The following GPC5 variants were observed in gnomAD, a reference collection of about 807,000 sequenced individuals.
GPC5 encodes the protein glypican-5.
GPC5 carries 47 observed loss-of-function variants against 53.9 expected under a neutral mutation model. That is an observed-to-expected ratio of 0.87 (90% CI 0.69 to 1.11). The LOEUF is 1.11. GPC5 is among the 50% of genes most tolerant of loss of function. GPC5 has a pLI of 0.00. For missense variants in GPC5, 748 were observed against 713.1 expected, an observed-to-expected ratio of 1.05 and a Z score of -0.56; for synonymous variants, 286 against 263.3, an observed-to-expected ratio of 1.09 and a Z score of -0.84.
At chr13:92,703,621 T>C (rs1160256112) in intron 7 of GPC5, among the ~76,000 whole-genome samples, 1 of 149,820 alleles carries the variant, frequency 6.7e-6, no homozygotes, top group African/African-American at 2.4e-5. Context: ...AATTGATGTA[T>C]AATTTTTTTA....
chr13:92,526,140 T>A (rs1433508034), intron 7 of GPC5, among the ~76,000 whole-genome samples: 2 of 152,130 alleles, frequency 1.3e-5, no homozygotes, highest in African/African-American at 4.8e-5. Flanking sequence ...ACAAACTTTG[T>A]TTTGCAAACC....
chr13:92,132,830 C>A (rs1168386147), intron 6 of GPC5, among the ~76,000 whole-genome samples: 1 of 151,774 alleles, frequency 6.6e-6, no homozygotes, highest in African/African-American at 2.4e-5. Flanking sequence ...TTTTAAAATC[C>A]CAAAATTAGC....
intron 7 of GPC5, among the ~76,000 whole-genome samples, chr13:92,830,147 C>T (rs1303497787): frequency 6.6e-6 from 1 of 152,098 alleles, no homozygotes; most frequent in Non-Finnish European, 1.5e-5. Context: ...ATGATGTGTG[C>T]TTGCATAAAC....
intron 7 of GPC5, among the ~76,000 whole-genome samples, chr13:92,232,295 GC>G (rs1189783041): frequency 6.6e-6 from 1 of 152,024 alleles, no homozygotes; most frequent in East Asian, 1.9e-4. Flanking sequence ...GGGTGTGGGG[GC>G]GGCTGTTATT....
intron 5 of GPC5, 60 bp from the exon 6 acceptor site, chr13:91,907,877 C>T (rs1295775275): frequency 1.5e-5 from 23 of 1,548,104 alleles, no homozygotes; most frequent in Non-Finnish European, 1.9e-5. Context: ...GTTCAGATAG[C>T]TGTGACAGAT....
At chr13:91,890,809 A>T (rs532644534) in intron 5 of GPC5, among the ~76,000 whole-genome samples, 2 of 152,324 alleles carry the variant, frequency 1.3e-5, no homozygotes, top group East Asian at 3.9e-4. Flanking sequence ...AATGATTTTT[A>T]TCCTGTCATG....
rs1441663124 is a variant in GPC5, at chr13:91,901,652, C to T, written c.1281-6285C>T. ...TTGCTGTCAGAACCAGGAAGGGAGG[C>T]CTAGAAATGGTTTGTATGGAAAATT... On this transcript the variant is annotated intron_variant, in intron 5 of 7. Coordinates refer to ENST00000377067, the MANE Select transcript of GPC5 (RefSeq NM_004466.6). 2.0e-5 allele frequency among the ~76,000 whole-genome samples: 3 copies of T among 151,966 alleles called. No individual in the cohort carries two copies. In the East Asian group the frequency reaches 5.8e-4, roughly 29 times the overall value.
intron 2 of GPC5, among the ~76,000 whole-genome samples, chr13:91,650,186 C>T (rs947739059): frequency 6.6e-6 from 1 of 152,020 alleles, no homozygotes; most frequent in Non-Finnish European, 1.5e-5. Flanking sequence ...TTGTATGTTT[C>T]AGTTTGTGTG....
At chr13:92,515,833 T>C (rs1880755220) in intron 7 of GPC5, among the ~76,000 whole-genome samples, 1 of 152,170 alleles carries the variant, frequency 6.6e-6, no homozygotes, top group Admixed American at 6.5e-5. Context: ...AATTAAGTTG[T>C]TCTAAAACAT....
chr13:91,564,076 C>A (rs549139355), intron 2 of GPC5, among the ~76,000 whole-genome samples: 24 of 152,246 alleles, frequency 1.6e-4, no homozygotes, highest in Middle Eastern at 3.4e-3. Flanking sequence ...GGACAAAGTT[C>A]CACATGTTGG....
At chr13:91,534,321 T>C (rs1350535762) in intron 2 of GPC5, among the ~76,000 whole-genome samples, 1 of 152,202 alleles carries the variant, frequency 6.6e-6, no homozygotes, top group Admixed American at 6.5e-5. Context: ...ATTGCACTCT[T>C]TTTCCCTTTT....
chr13:92,410,260 A>G (rs1875986158), intron 7 of GPC5, among the ~76,000 whole-genome samples: 1 of 152,182 alleles, frequency 6.6e-6, no homozygotes, highest in Admixed American at 6.5e-5. Context: ...GGCTCCATGT[A>G]AGGGAATGCA....
At chr13:91,681,516 A>G (rs947257593) in intron 2 of GPC5, among the ~76,000 whole-genome samples, 3 of 152,214 alleles carry the variant, frequency 2.0e-5, no homozygotes, top group Non-Finnish European at 2.9e-5. Flanking sequence ...AGTATTCCCT[A>G]TAACCTAAAT....
chr13:92,103,011 C>T (rs1023613075), intron 6 of GPC5, among the ~76,000 whole-genome samples: 2 of 152,106 alleles, frequency 1.3e-5, no homozygotes, highest in African/African-American at 4.8e-5. Flanking sequence ...GAAGTGTTAC[C>T]ACACCTGGCT....
chr13:91,890,503 G>T (rs1353356051), intron 5 of GPC5, among the ~76,000 whole-genome samples: 2 of 152,088 alleles, frequency 1.3e-5, no homozygotes, highest in Non-Finnish European at 2.9e-5. Context: ...GTTACTAGGG[G>T]TCAGTGTTAA....
chr13:91,886,274 A>G (rs1406258653), intron 5 of GPC5, among the ~76,000 whole-genome samples: 2 of 152,138 alleles, frequency 1.3e-5, no homozygotes, highest in African/African-American at 4.8e-5. Context: ...AGACTTATTC[A>G]CTATCATGAG....
intron 5 of GPC5, among the ~76,000 whole-genome samples, chr13:91,809,785 T>A (rs1422299840): frequency 1.3e-5 from 2 of 152,066 alleles, no homozygotes; most frequent in Non-Finnish European, 2.9e-5. Context: ...TACAAAATTT[T>A]AAATATATAT....
At chr13:92,516,885 C>A (rs1036865812) in intron 7 of GPC5, among the ~76,000 whole-genome samples, 4 of 152,156 alleles carry the variant, frequency 2.6e-5, no homozygotes, top group Admixed American at 6.5e-5. Context: ...TGAGGCATCA[C>A]TTCACCTGGG....
intron 2 of GPC5, among the ~76,000 whole-genome samples, chr13:91,478,999 G>A (rs527913180): frequency 6.1e-5 from 9 of 148,640 alleles, no homozygotes; most frequent in Admixed American, 5.4e-4. Context: ...TGCAACCTCC[G>A]CCTTCTGGGT....
Sources: allele counts gnomAD v4.1 joint callset (sites outside exome capture counted in the v4.1 genomes callset), GRCh38; gene constraint gnomAD v4.1.1; transcripts MANE v1.5; gene names NCBI Gene and HGNC (gene_info 2026-07-23, HGNC 2026-07-21).